Variants in CSF2RB observed in about 807,000 individuals in gnomAD.
CSF2RB encodes the protein colony stimulating factor 2 receptor subunit beta.
Under a neutral mutation model 67.2 loss-of-function variants are expected in CSF2RB, and 22 were observed. The observed-to-expected ratio is 0.33, with a 90% CI of 0.23 to 0.47. CSF2RB has a LOEUF of 0.47. Among genes scored for constraint, CSF2RB ranks in the 20% least tolerant of loss-of-function variants. The pLI, the probability that CSF2RB is intolerant of heterozygous loss-of-function variation, is 1.00. For synonymous variants in CSF2RB, 507 were observed against 482.9 expected (o/e 1.05, Z -0.65); for missense variants, 1,113 against 1,174.5 (o/e 0.95, Z 0.76).
chr22:36,933,792 G>A (rs779820744), intron 9 of CSF2RB, 40 bp from the exon 10 acceptor site: 14 of 1,582,158 alleles, frequency 8.8e-6, no homozygotes, highest in Admixed American at 3.5e-5. Flanking sequence ...CTGCTCCCAC[G>A]GGCACCGGGC....
At chr22:36,923,884 G>A in intron 3 of CSF2RB, 11 of 906,474 alleles carry the variant, frequency 1.2e-5, no homozygotes, top group South Asian at 1.4e-5. Flanking sequence ...TGTCTGGGAG[G>A]GGGCTCCGCG....
chr22:36,937,527 G>A lies in CSF2RB; in HGVS notation c.1719G>A (p.Pro573=), dbSNP rs140662059. 97 of 1,613,570 alleles carry A rather than the reference G, an allele frequency of 6.0e-5. No individual in the cohort carries two copies. Among genetic ancestry groups the A allele is most frequent in the Middle Eastern group, 1.6e-4 (1 of 6,082 alleles). ...TEQPPSPQPG[P]PAASHTPEKQ... ...AGCCCCCCAGCCCCCAGCCAGGCCC[G>A]CCTGCCGCCTCCCACACACCTGAGA... The change falls in exon 14 of 14, where the codon CCG becomes CCA. Residue 573 remains proline, a synonymous_variant. Transcript: ENST00000403662. This position sits in a 1 kb window ranked among gnomAD's most constrained non-coding sequence, Gnocchi z 4.6.
chr22:36,917,234 T>C (rs1285670806), intron 1 of CSF2RB, among the ~76,000 whole-genome samples: 1 of 152,234 alleles, frequency 6.6e-6, no homozygotes, highest in African/African-American at 2.4e-5. Flanking sequence ...TAAATAGGTT[T>C]CTTAAGGGTT....
chr22:36,918,967 C>T (rs1468042844), intron 1 of CSF2RB, among the ~76,000 whole-genome samples: 2 of 152,184 alleles, frequency 1.3e-5, no homozygotes, highest in Non-Finnish European at 2.9e-5. Flanking sequence ...GACAGAGGGA[C>T]AAAAATGAAC....
rs1204278274 is a variant in CSF2RB at position 36,939,626 on chromosome 22, C to T, written c.*1124C>T. On this transcript the variant is annotated 3_prime_UTR_variant, in exon 14 of 14. Coordinates refer to ENST00000403662, the MANE Select transcript of CSF2RB (RefSeq NM_000395.3). ...ATATTTTTATAGGTATCTTAGGCAT[C>T]GATTGGTATTTTTTAACTGGGCCAA... 3.1e-5 allele frequency: 6 copies of T among 193,660 alleles called. No individual in the cohort carries two copies. In the South Asian group the frequency reaches 4.0e-4, roughly 13 times the overall value. 12.0% of individuals were successfully genotyped at this position (193,660 alleles called of 1,614,324 possible).
At position 36,938,127 on chromosome 22, in the gene CSF2RB, G is replaced by C. The variant is rs539820176; in HGVS notation, c.2319G>C (p.Glu773Asp). 6.2e-7 allele frequency: 1 copy of C among 1,613,938 alleles called. No homozygotes were observed. The highest frequency in any genetic ancestry group is 8.5e-7 in the Non-Finnish European group (1 of 1,179,992). Reference sequence around the variant, plus strand: ...GCTATGTGGAGCTCCCTCCAATTGAGGGCCGGTCCCCCAGGTCACCAAGGA... The same window carrying C: ...GCTATGTGGAGCTCCCTCCAATTGACGGCCGGTCCCCCAGGTCACCAAGGA... ...FEGYVELPPIEGRSPRSPRNN... is the reference protein window; with the variant it reads ...FEGYVELPPIDGRSPRSPRNN... The change falls in exon 14 of 14, where the codon GAG becomes GAC. Residue 773 changes from glutamate (E) to aspartate (D), a missense_variant. Around this residue, in one of 2 missense-constraint regions of CSF2RB, gnomAD observed 554 missense variants for 517.9 expected, o/e 1.07. Transcript: ENST00000403662.
In CSF2RB at chr22:36,937,922, C is replaced by A. The variant is rs1409699330; in HGVS notation, c.2114C>A (p.Pro705His). ...ATGAGCTCTGGGGACACTGAGGACC[C>A]TGGAGTGGCCTCTGGTTATGTCTCC... ...IPMSSGDTED[P>H]GVASGYVSSA... is the part of the protein sequence containing the mutation. Residue 705 changes from proline to histidine, a missense_variant, in exon 14 of 14, where the codon CCT becomes CAT. Transcript: ENST00000403662. This position sits in a 1 kb window ranked among gnomAD's most constrained non-coding sequence, Gnocchi z 4.6. The A allele has an allele frequency of 2.5e-6, 4 of 1,614,016 alleles. No individual in the cohort carries two copies. The highest frequency in any genetic ancestry group is 1.1e-5 in the South Asian group (1 of 91,088).
chr22:36,930,148 T>C (rs376598930), intron 6 of CSF2RB, among the ~76,000 whole-genome samples: 1 of 152,210 alleles, frequency 6.6e-6, no homozygotes. Context: ...CACTGAAACT[T>C]AGATACTATT....
At chr22:36,923,818 G>T in intron 3 of CSF2RB, 1 of 1,285,556 alleles carries the variant, frequency 7.8e-7, no homozygotes, top group Non-Finnish European at 1.0e-6. Context: ...GGCCCTGGAG[G>T]TGAGGTGCCA....
At chr22:36,926,342 G>A (rs562850093) in intron 4 of CSF2RB, among the ~76,000 whole-genome samples, 165 bp downstream of exon 4, 35 of 152,334 alleles carry the variant, frequency 2.3e-4, no homozygotes, top group Admixed American at 2.2e-3. Flanking sequence ...CTTCAGAGCA[G>A]AGGGGCCCCT....
intron 1 of CSF2RB, among the ~76,000 whole-genome samples, chr22:36,915,300 G>T (rs934548389): frequency 6.6e-6 from 1 of 152,046 alleles, no homozygotes; most frequent in Non-Finnish European, 1.5e-5. Flanking sequence ...GGCCAGGCTG[G>T]TCTCGAACTC....
rs1941335752 is a variant in CSF2RB, at chr22:36,939,088, T to C, written c.*586T>C. On this transcript the variant is annotated 3_prime_UTR_variant, in exon 14 of 14. Transcript: ENST00000403662. ...TCAGTGAGGCTCAGGGAATTCAGAC[T>C]AGCCTCGATTGTCACTCCGAGAAAT... 1.4e-6 allele frequency: 1 copy of C among 700,858 alleles called. No homozygotes were observed. The highest frequency in any genetic ancestry group is 2.0e-5 in the Admixed American group (1 of 49,940). 43.4% of individuals were successfully genotyped at this position (700,858 alleles called of 1,614,324 possible).
Position 36,933,634 on chromosome 22 carries a change from T to C in CSF2RB, c.1153-198T>C, listed in dbSNP as rs11705394. 0.25 allele frequency among the ~76,000 whole-genome samples: 38,087 copies of C among 152,096 alleles called. 5,086 individuals are homozygous for C. Among genetic ancestry groups the C allele is most frequent in the African/African-American group, 0.32 (13,214 of 41,454 alleles). On this transcript the variant is annotated intron_variant, in intron 9 of 13. Transcript: ENST00000403662. The stretch of plus-strand genomic sequence containing the variant: ...CAATGTCAGGGGCTGCACTGACAGG[T>C]GGAGTCCCCGGTGCCATCCGAAGTG...
Position 36,929,486 on chromosome 22 carries a change from C to T in CSF2RB, c.476C>T (p.Pro159Leu). The change falls in exon 5 of 14, where the codon CCC (proline) becomes CTC (leucine). Residue 159 changes from proline to leucine, a missense_variant. Pro to Leu is a moderately conservative substitution (Grantham distance 98). Around this residue, in one of 2 missense-constraint regions of CSF2RB, gnomAD observed 559 missense variants for 656.5 expected, o/e 0.85. Coordinates refer to ENST00000403662, the MANE Select transcript of CSF2RB (RefSeq NM_000395.3). ...ACCTGGAGTGTGGCCCTTGGGAGTC[C>T]CCAGAGCCACTGGTTGTCCCCAGGG... The part of the protein sequence containing the change: ...LLTWSVALGS[P>L]QSHWLSPGDL... The T allele has an allele frequency of 6.2e-7, 1 of 1,614,210 alleles. No homozygotes were observed. Among genetic ancestry groups the T allele is most frequent in the Non-Finnish European group, 8.5e-7 (1 of 1,180,028 alleles).
chr22:36,939,483 C>A lies in CSF2RB; in HGVS notation c.*981C>A. ...CGGCCACAGATGAGGGGCTGCTGAT[C>A]TATGCCTGGGCCTGCACCAGGGATT... On this transcript the variant is annotated 3_prime_UTR_variant, in exon 14 of 14. Coordinates refer to ENST00000403662, the MANE Select transcript of CSF2RB (RefSeq NM_000395.3). The A allele has an allele frequency of 1.9e-6, 1 of 527,334 alleles. No individual in the cohort carries two copies. Among genetic ancestry groups the A allele is most frequent in the Non-Finnish European group, 3.4e-6 (1 of 291,890 alleles). 32.7% of individuals were successfully genotyped at this position (527,334 alleles called of 1,614,324 possible).
chr22:36,921,928 A>G lies in CSF2RB; in HGVS notation c.-172-108A>G, dbSNP rs10222232. 0.49 allele frequency: 276,466 copies of G among 560,526 alleles called. 72,197 individuals are homozygous for G. The highest frequency in any genetic ancestry group is 0.61 in the East Asian group (20,670 of 34,106). 34.7% of individuals were successfully genotyped at this position (560,526 alleles called of 1,614,324 possible). ...TGCCTTCATGCCGCAGGAGACTGAG[A>G]GGTCATGCATGAGGGCCACTTCTCT... On this transcript the variant is annotated intron_variant, in intron 1 of 13. Coordinates refer to ENST00000403662, the MANE Select transcript of CSF2RB (RefSeq NM_000395.3).
intron 3 of CSF2RB, among the ~76,000 whole-genome samples, chr22:36,924,289 C>G (rs1426293948): frequency 2.0e-5 from 3 of 151,874 alleles, no homozygotes; most frequent in Non-Finnish European, 4.4e-5. Flanking sequence ...CTTTGCCCAC[C>G]GCCGGGGCCT....
rs756375669 is a variant in CSF2RB, at chr22:36,935,687, G to A, written c.1464G>A (p.Gln488=). 1.2e-5 allele frequency: 19 copies of A among 1,613,864 alleles called. No homozygotes were observed. Among genetic ancestry groups the A allele is most frequent in the Non-Finnish European group, 3.4e-6 (4 of 1,179,992 alleles). ...ACCCCAGCAAGAGCCACCTGTTCCA[G>A]GTAGGAACTGGCTGCGAGGGGCGGA... ...IPNPSKSHLF[Q]NGSAELWPPG... Residue 488 remains glutamine (Q), a splice_region_variant and synonymous_variant, in exon 12 of 14, where the codon CAG becomes CAA. Coordinates refer to ENST00000403662, the MANE Select transcript of CSF2RB (RefSeq NM_000395.3).
At chr22:36,935,758 C>T in intron 12 of CSF2RB, 71 bp downstream of exon 12, 2 of 1,510,336 alleles carry the variant, frequency 1.3e-6, no homozygotes, top group Non-Finnish European at 1.8e-6. Context: ...GTCCCCACCT[C>T]CTCCTTCCCT....
Sources: gnomAD v4.1 joint callset for allele counts (sites outside exome capture counted in the v4.1 genomes callset) on GRCh38, gnomAD v4.1.1 for gene constraint, gnomAD v4.1.1 regional missense constraint, Gnocchi (gnomAD v3.1) non-coding constraint, MANE v1.5 for transcripts, NCBI Gene and HGNC (gene_info 2026-07-23, HGNC 2026-07-21) for gene names.